Variants in RELN observed in about 807,000 individuals in gnomAD.
RELN encodes the protein reelin.
In RELN, 108 loss-of-function variants were observed where a neutral mutation model predicts 427.6. That is an observed-to-expected ratio of 0.25 (90% CI 0.22 to 0.30). The LOEUF (loss-of-function observed/expected upper bound fraction) is 0.30, where lower values mean the gene tolerates loss of function less well. Among genes scored for constraint, RELN ranks in the 10% least tolerant of loss-of-function variants. The pLI is 1.00. For missense variants in RELN, 3,715 were observed against 4,302.8 expected (o/e 0.86, Z 3.82); for synonymous variants, 1,524 against 1,513.4 (o/e 1.01, Z -0.16).
intron 9 of RELN, among the ~76,000 whole-genome samples, chr7:103,700,406 A>G (rs2115793246): frequency 6.6e-6 from 1 of 152,298 alleles, no homozygotes; most frequent in South Asian, 2.1e-4. Flanking sequence ...TGTAATTACA[A>G]GTCGCATCAC....
chr7:103,697,621 C>T (rs886788718), intron 10 of RELN, among the ~76,000 whole-genome samples: 1 of 152,128 alleles, frequency 6.6e-6, no homozygotes, highest in Non-Finnish European at 1.5e-5. Flanking sequence ...CAGCCCAGTA[C>T]ACAGCACAGT....
intron 11 of RELN, among the ~76,000 whole-genome samples, chr7:103,673,054 A>G (rs1267308973): frequency 2.0e-5 from 3 of 152,048 alleles, no homozygotes; most frequent in Non-Finnish European, 4.4e-5. Context: ...TATACAGCTT[A>G]TTTTTCAAAA....
intron 24 of RELN, among the ~76,000 whole-genome samples, chr7:103,600,263 G>A (rs1319508959): frequency 6.6e-6 from 1 of 152,154 alleles, no homozygotes; most frequent in Non-Finnish European, 1.5e-5. Context: ...CTTCCTTTGG[G>A]TTACTGCCCC....
At chr7:103,954,409 T>G (rs996167678) in intron 1 of RELN, among the ~76,000 whole-genome samples, 11 of 151,588 alleles carry the variant, frequency 7.3e-5, no homozygotes, top group South Asian at 2.1e-4. Flanking sequence ...TTTGTGAGGG[T>G]GTGTGTGTGT....
chr7:103,580,890 ATGT>A (rs1268138638), intron 28 of RELN, among the ~76,000 whole-genome samples: 2 of 152,138 alleles, frequency 1.3e-5, no homozygotes, highest in African/African-American at 4.8e-5. Flanking sequence ...GTGCCACTTG[ATGT>A]TCTCCAACTT....
intron 36 of RELN, 23 bp downstream of exon 36, chr7:103,561,509 G>A: frequency 6.4e-7 from 1 of 1,573,156 alleles, no homozygotes; most frequent in Non-Finnish European, 8.7e-7. Context: ...ATGTTGGGAA[G>A]GAGAATCTTA....
Position 103,777,793 on chromosome 7 carries a change from A to G in RELN, c.474-1166T>C, listed in dbSNP as rs546365293. Among the ~76,000 whole-genome samples the G allele has an allele frequency of 2.0e-5, 3 of 152,164 alleles. No individual in the cohort carries two copies. In the East Asian group the frequency reaches 5.8e-4, roughly 29 times the overall value. On this transcript the variant is annotated intron_variant, in intron 3 of 64. Coordinates refer to ENST00000428762, the MANE Select transcript of RELN (RefSeq NM_005045.4). ...CAGTCCCCGTGGACCCAAGTCTCTG[A>G]AGGTAATCTGATAAATTAATCCATG...
intron 17 of RELN, among the ~76,000 whole-genome samples, chr7:103,637,704 T>C (rs1408724970): frequency 1.3e-5 from 2 of 152,202 alleles, no homozygotes; most frequent in Non-Finnish European, 2.9e-5. Flanking sequence ...TCACATGTTG[T>C]CTAATGGACT....
intron 5 of RELN, among the ~76,000 whole-genome samples, chr7:103,752,874 G>A (rs1426638770): frequency 3.7e-4 from 56 of 152,050 alleles, no homozygotes; most frequent in Non-Finnish European, 2.9e-5. Flanking sequence ...TGGGCATCTA[G>A]TATTATGAGG....
chr7:103,666,978 A>C (rs17154114), intron 11 of RELN, among the ~76,000 whole-genome samples: 41,893 of 152,082 alleles, frequency 0.28, 6,080 homozygotes, highest in African/African-American at 0.37. Flanking sequence ...CTTCGATTAC[A>C]TATGTTCAGT....
rs189136817 is a variant in RELN, at chr7:103,541,340, A to G, written c.6672-885T>C. 2.2e-3 allele frequency among the ~76,000 whole-genome samples: 332 copies of G among 152,366 alleles called. 3 individuals are homozygous for G. The highest frequency in any genetic ancestry group is 3.4e-3 in the Middle Eastern group (1 of 294). On this transcript the variant is annotated intron_variant, in intron 43 of 64. Coordinates refer to ENST00000428762, the MANE Select transcript of RELN (RefSeq NM_005045.4). ...ATAAATTTCATGTGTAACCCAACAC[A>G]CATACCCACTAATGTATGCATGCCG...
rs73712246 is a variant in RELN, at chr7:103,794,890, T to C, written c.474-18263A>G. Among the ~76,000 whole-genome samples, 714 of 152,266 alleles carry C rather than the reference T, an allele frequency of 4.7e-3. 7 individuals carry two copies. The highest frequency in any genetic ancestry group is 0.016 in the African/African-American group (680 of 41,558). On this transcript the variant is annotated intron_variant, in intron 3 of 64. Transcript: ENST00000428762. ...ATCACAGCTGATTCAGAAACCCTGG[T>C]ATATAGGTTTGTAAGAACTCAGCCC...
chr7:103,721,731 T>C (rs996690778), intron 8 of RELN, among the ~76,000 whole-genome samples: 1 of 152,170 alleles, frequency 6.6e-6, no homozygotes, highest in African/African-American at 2.4e-5. Context: ...TTAAAGACAA[T>C]ATCTGAAACT....
intron 1 of RELN, among the ~76,000 whole-genome samples, chr7:103,962,169 C>T (rs1796570887): frequency 6.6e-6 from 1 of 152,156 alleles, no homozygotes; most frequent in Admixed American, 6.5e-5. Context: ...ACAAAACACG[C>T]TTCCCTGTTC....
chr7:103,870,047 G>A (rs1794292764), intron 2 of RELN, among the ~76,000 whole-genome samples: 1 of 152,022 alleles, frequency 6.6e-6, no homozygotes, highest in South Asian at 2.1e-4. Flanking sequence ...CTTCATTCCA[G>A]CTTTTGCACT....
intron 22 of RELN, among the ~76,000 whole-genome samples, chr7:103,607,107 G>C (rs1304195737): frequency 2.9e-5 from 3 of 102,976 alleles, no homozygotes; most frequent in Admixed American, 1.5e-4. Flanking sequence ...GGTGGGGGGT[G>C]GGGGGAGGGA....
chr7:103,701,371 A>G (rs963522869), intron 8 of RELN, among the ~76,000 whole-genome samples: 9 of 152,128 alleles, frequency 5.9e-5, no homozygotes, highest in African/African-American at 2.2e-4. Flanking sequence ...AGGAGTGATT[A>G]TATTAAATGG....
chr7:103,747,472 T>G (rs970458933), intron 6 of RELN, among the ~76,000 whole-genome samples: 1 of 151,896 alleles, frequency 6.6e-6, no homozygotes, highest in South Asian at 2.1e-4. Flanking sequence ...CGCACAGAAA[T>G]AGAGCTCATA....
intron 45 of RELN, among the ~76,000 whole-genome samples, chr7:103,537,254 T>C (rs528721411): frequency 2.0e-5 from 3 of 152,318 alleles, no homozygotes; most frequent in East Asian, 1.9e-4. Flanking sequence ...ATTTTATCTA[T>C]TCCATGTCTC....
Sources: allele counts gnomAD v4.1 joint callset (sites outside exome capture counted in the v4.1 genomes callset), GRCh38; gene constraint gnomAD v4.1.1; transcripts MANE v1.5; gene names NCBI Gene and HGNC (gene_info 2026-07-23, HGNC 2026-07-21).